FBXL17: variants seen among roughly 807,000 people sequenced by gnomAD.
FBXL17 encodes F-box and leucine rich repeat protein 17.
Under a neutral mutation model 66.2 loss-of-function variants are expected in FBXL17, and 22 were observed. The observed-to-expected ratio is 0.33, with a 90% confidence interval of 0.24 to 0.47. The LOEUF (loss-of-function observed/expected upper bound fraction) is 0.47. Ranked by LOEUF, FBXL17 falls within the 20% of genes least tolerant of loss-of-function variation. FBXL17 has a pLI of 1.00. For missense variants in FBXL17, 878 were observed against 948.2 expected (o/e 0.93, Z 0.97); for synonymous variants, 474 against 400.5 (o/e 1.18, Z -2.19).
chr5:107,991,245 G>T (rs1392140244), intron 7 of FBXL17, among the ~76,000 whole-genome samples: 2 of 152,230 alleles, frequency 1.3e-5, no homozygotes, highest in Non-Finnish European at 2.9e-5. Flanking sequence ...TCGCTTAGAT[G>T]TTGAGAAGTT....
At chr5:107,892,973 T>G (rs1265675426) in intron 7 of FBXL17, among the ~76,000 whole-genome samples, 1 of 152,216 alleles carries the variant, frequency 6.6e-6, no homozygotes, top group Non-Finnish European at 1.5e-5. Flanking sequence ...TTCTCTATTA[T>G]CTTCCTATCA....
intron 4 of FBXL17, among the ~76,000 whole-genome samples, chr5:108,236,511 TAA>T (rs544705390): frequency 7.2e-6 from 1 of 138,272 alleles, no homozygotes. Context: ...AGACTCTGTC[TAA>T]AAAAAAAAAA....
In FBXL17 at chr5:108,198,948, G is replaced by C. The variant is rs188359335; in HGVS notation, c.1615-12701C>G. The stretch of plus-strand genomic sequence containing the variant: ...TATTAAAGATGATAAAAGTATTTTT[G>C]AAATGAGGTGCAAAAATTTATAACT... On this transcript the variant is annotated intron_variant, in intron 5 of 8. Coordinates refer to ENST00000542267, the MANE Select transcript of FBXL17 (RefSeq NM_001163315.3). Among the ~76,000 whole-genome samples, 43 of 152,102 alleles carry C rather than the reference G, an allele frequency of 2.8e-4. No individual in the cohort carries two copies. In the South Asian group the frequency reaches 7.1e-3, roughly 25 times the overall value.
intron 2 of FBXL17, among the ~76,000 whole-genome samples, chr5:108,367,163 T>C (rs1369431285): frequency 2.0e-5 from 3 of 152,142 alleles, no homozygotes; most frequent in African/African-American, 7.2e-5. Context: ...TTGACATTTT[T>C]ACATATTTCT....
At chr5:108,006,096 A>C (rs1160726864) in intron 7 of FBXL17, among the ~76,000 whole-genome samples, 1 of 152,230 alleles carries the variant, frequency 6.6e-6, no homozygotes, top group African/African-American at 2.4e-5. Context: ...ATTTATTTGA[A>C]TCTAAACTAA....
chr5:108,011,759 G>C (rs1446025618), intron 7 of FBXL17, among the ~76,000 whole-genome samples: 1 of 152,232 alleles, frequency 6.6e-6, no homozygotes, highest in East Asian at 1.9e-4. Context: ...GGGAGGTGGA[G>C]GTCGCAGTGA....
intron 6 of FBXL17, among the ~76,000 whole-genome samples, chr5:108,093,833 G>A (rs1375627994): frequency 2.0e-5 from 3 of 152,132 alleles, no homozygotes; most frequent in Non-Finnish European, 2.9e-5. Flanking sequence ...AAGATGTAAT[G>A]TAAATGTATG....
chr5:108,164,396 C>T (rs1027233661), intron 6 of FBXL17, among the ~76,000 whole-genome samples: 3 of 152,140 alleles, frequency 2.0e-5, no homozygotes, highest in Non-Finnish European at 2.9e-5. Context: ...TGGTAATTAA[C>T]GATGTCTTAG....
intron 6 of FBXL17, among the ~76,000 whole-genome samples, chr5:108,065,018 T>C (rs566776388): frequency 4.8e-4 from 73 of 152,254 alleles, no homozygotes; most frequent in Non-Finnish European, 8.5e-4. Flanking sequence ...AGAATGAAAA[T>C]GAAGTCTACC....
intron 1 of FBXL17, among the ~76,000 whole-genome samples, chr5:108,377,480 G>A (rs1749526050): frequency 6.6e-6 from 1 of 152,262 alleles, no homozygotes; most frequent in Non-Finnish European, 1.5e-5. Flanking sequence ...CAGCGAAGCT[G>A]CTGGTTTTCC....
intron 5 of FBXL17, among the ~76,000 whole-genome samples, chr5:108,191,035 T>C (rs1427287310): frequency 6.6e-6 from 1 of 152,230 alleles, no homozygotes; most frequent in East Asian, 1.9e-4. Flanking sequence ...TAGGGCTGCC[T>C]GTAAATACTT....
intron 6 of FBXL17, among the ~76,000 whole-genome samples, chr5:108,035,048 T>C (rs772575017): frequency 6.6e-6 from 1 of 152,168 alleles, no homozygotes; most frequent in Admixed American, 6.5e-5. Context: ...CAGAAAGCCA[T>C]GGAAAGTGAC....
chr5:108,145,203 A>G (rs535834672), intron 6 of FBXL17, among the ~76,000 whole-genome samples: 2 of 152,292 alleles, frequency 1.3e-5, no homozygotes, highest in African/African-American at 4.8e-5. Context: ...AGCATACATG[A>G]AGTTTACTGG....
chr5:108,295,763 T>C (rs1308003039), intron 4 of FBXL17, among the ~76,000 whole-genome samples: 1 of 151,942 alleles, frequency 6.6e-6, no homozygotes, highest in Non-Finnish European at 1.5e-5. Flanking sequence ...AAATTTGGCC[T>C]GTGCCTCAGG....
chr5:107,940,265 T>TCATC (rs1751047944), intron 7 of FBXL17, among the ~76,000 whole-genome samples: 1 of 152,088 alleles, frequency 6.6e-6, no homozygotes, highest in African/African-American at 2.4e-5. Context: ...ATTCATTCAT[T>TCATC]CATTCATCCA....
intron 5 of FBXL17, among the ~76,000 whole-genome samples, chr5:108,207,369 T>C (rs542289366): frequency 2.1e-4 from 32 of 152,212 alleles, no homozygotes; most frequent in African/African-American, 7.5e-4. Context: ...GGGGTACGTA[T>C]GGCAGAACGT....
At chr5:108,278,472 A>T (rs1448211544) in intron 4 of FBXL17, among the ~76,000 whole-genome samples, 2 of 152,176 alleles carry the variant, frequency 1.3e-5, no homozygotes, top group South Asian at 4.1e-4. Flanking sequence ...GAAAAGTGTA[A>T]CATGGGCTGC....
At chr5:108,130,616 T>G (rs1003370940) in intron 6 of FBXL17, among the ~76,000 whole-genome samples, 1 of 152,046 alleles carries the variant, frequency 6.6e-6, no homozygotes, top group African/African-American at 2.4e-5. Context: ...TCAAACCAAT[T>G]CTTTTCCAAT....
At chr5:107,976,257 T>C (rs2112660030) in intron 7 of FBXL17, among the ~76,000 whole-genome samples, 1 of 152,316 alleles carries the variant, frequency 6.6e-6, no homozygotes, top group Non-Finnish European at 1.5e-5. Context: ...CAACTTTTCA[T>C]CTCATCCCTG....
Sources: gnomAD v4.1 joint callset for allele counts (sites outside exome capture counted in the v4.1 genomes callset) on GRCh38, gnomAD v4.1.1 for gene constraint, MANE v1.5 for transcripts, NCBI Gene and HGNC (gene_info 2026-07-23, HGNC 2026-07-21) for gene names.